Variants in ELP4 observed in about 807,000 individuals in gnomAD.
ELP4 encodes elongator complex protein 4.
ELP4 carries 51 observed loss-of-function variants against 48.9 expected under a neutral mutation model. The ratio of observed to expected loss-of-function variants is 1.04; its 90% CI spans 0.83 to 1.32. The LOEUF is 1.32. ELP4 is among the 40% of genes most tolerant of loss of function. ELP4 has a pLI of 0.00. For missense variants in ELP4, 519 were observed against 514.6 expected (o/e 1.01, Z -0.08); for synonymous variants, 210 against 189.2 (o/e 1.11, Z -0.90).
intron 8 of ELP4, chr11:31,648,179 T>A (rs1425203140): frequency 5.9e-6 from 1 of 170,132 alleles, no homozygotes; most frequent in Non-Finnish European, 1.3e-5. Flanking sequence ...TTAATTCTAA[T>A]AATGACAGTT....
intron 3 of ELP4, among the ~76,000 whole-genome samples, chr11:31,564,553 G>A (rs924617416): frequency 1.2e-4 from 18 of 151,696 alleles, no homozygotes; most frequent in African/African-American, 3.4e-4. Flanking sequence ...GACAAGCCCC[G>A]GTGTGTGATG....
intron 9 of ELP4, among the ~76,000 whole-genome samples, chr11:31,713,203 G>A (rs2134174351): frequency 6.6e-6 from 1 of 152,270 alleles, no homozygotes; most frequent in African/African-American, 2.4e-5. Flanking sequence ...TCCGTAAAAT[G>A]ATGGATCAAG....
chr11:31,637,398 T>C (rs1945003536), intron 7 of ELP4: 1 of 151,936 alleles, frequency 6.6e-6, no homozygotes, highest in Non-Finnish European at 1.5e-5. Flanking sequence ...AAGAAAAGGT[T>C]ACTTCTAAGA....
At chr11:31,681,492 T>G (rs1220421632) in intron 9 of ELP4, among the ~76,000 whole-genome samples, 1 of 152,130 alleles carries the variant, frequency 6.6e-6, no homozygotes, top group Non-Finnish European at 1.5e-5. Flanking sequence ...AGAGATTAGA[T>G]AGATGTGCAA....
At chr11:31,719,820 G>C (rs1946921789) in intron 9 of ELP4, 1 of 214,772 alleles carries the variant, frequency 4.7e-6, no homozygotes, top group Non-Finnish European at 9.1e-6. Flanking sequence ...AAATTAGAGA[G>C]ACTGGTGAAT....
chr11:31,560,684 A>ATTGGTTTATATATATATAAAACAACG (rs1957004969), intron 3 of ELP4, among the ~76,000 whole-genome samples: 1 of 108,802 alleles, frequency 9.2e-6, no homozygotes, highest in African/African-American at 3.4e-5. Context: ...TAAAGACCAC[A>ATTGGTTTATATATATATAAAACAACG]TTGTTTTATA....
At chr11:31,664,177 A>C (rs982471806) in intron 9 of ELP4, 2 of 152,168 alleles carry the variant, frequency 1.3e-5, no homozygotes, top group Non-Finnish European at 2.9e-5. Flanking sequence ...CTCCTTGAAC[A>C]GGAATTAAGA....
At chr11:31,549,033 C>T (rs994342963) in intron 3 of ELP4, among the ~76,000 whole-genome samples, 17 of 152,124 alleles carry the variant, frequency 1.1e-4, no homozygotes, top group African/African-American at 4.1e-4. Flanking sequence ...CATAAAAACC[C>T]TAGAAGAAAA....
intron 1 of ELP4, chr11:31,512,202 A>G (rs1401426818): frequency 6.6e-6 from 1 of 152,218 alleles, no homozygotes; most frequent in South Asian, 2.1e-4. Flanking sequence ...ATAGGATGTT[A>G]TGGTGTTAGA....
rs555235922 is a variant in ELP4 at position 31,702,611 on chromosome 11, C to A, written c.1143+52390C>A. On this transcript the variant is annotated intron_variant, in intron 9 of 9. Transcript: ENST00000640961. ...ATTTAAAATCTGATTCGTAGTTTTT[C>A]ATCTGTAGGTGTTTCTCCCTTATCA... Among the ~76,000 whole-genome samples, 13 of 152,162 alleles carry A rather than the reference C, an allele frequency of 8.5e-5. No homozygotes were observed. The South Asian group carries it at 2.5e-3, about 29-fold the overall frequency.
intron 3 of ELP4, among the ~76,000 whole-genome samples, chr11:31,568,536 A>G (rs1044678218): frequency 3.9e-5 from 6 of 152,236 alleles, no homozygotes; most frequent in Non-Finnish European, 8.8e-5. Context: ...CTATACTACA[A>G]GGCTACAGTA....
rs181292894 is a variant in ELP4 at position 31,751,999 on chromosome 11, A to G, written c.1144-31394A>G. On this transcript the variant is annotated intron_variant, in intron 9 of 9. Coordinates refer to ENST00000640961, the MANE Select transcript of ELP4 (RefSeq NM_019040.5). The stretch of plus-strand genomic sequence containing the variant: ...AAAAGCTGTGTAAGAAAACTGAGGG[A>G]AAAAAAGCTATTCAACTAATTTTAT... 5.9e-4 allele frequency among the ~76,000 whole-genome samples: 90 copies of G among 152,316 alleles called. 1 individual carries two copies. The highest frequency in any genetic ancestry group is 1.9e-3 in the African/African-American group (78 of 41,584).
chr11:31,650,771 A>G (rs1352262392), intron 9 of ELP4: 2 of 151,806 alleles, frequency 1.3e-5, no homozygotes, highest in Non-Finnish European at 2.9e-5. Flanking sequence ...TAGTAGGACA[A>G]AATATTTATT....
At chr11:31,736,869 G>A (rs1254305897) in intron 9 of ELP4, among the ~76,000 whole-genome samples, 1 of 152,162 alleles carries the variant, frequency 6.6e-6, no homozygotes, top group Admixed American at 6.5e-5. Context: ...ACTGTTGGTG[G>A]GACTGTAAAC....
intron 9 of ELP4, among the ~76,000 whole-genome samples, chr11:31,761,497 A>G (rs1167669613): frequency 6.6e-6 from 1 of 152,204 alleles, no homozygotes; most frequent in African/African-American, 2.4e-5. Context: ...AACCTGTTAC[A>G]TATATACCAG....
chr11:31,770,899 C>T (rs1022756206), intron 9 of ELP4, among the ~76,000 whole-genome samples: 2 of 151,096 alleles, frequency 1.3e-5, no homozygotes, highest in Non-Finnish European at 2.9e-5. Flanking sequence ...GAAGGAAGGA[C>T]CATTTTAAGC....
chr11:31,631,328 A>G (rs1178546731), intron 6 of ELP4, among the ~76,000 whole-genome samples: 1 of 152,144 alleles, frequency 6.6e-6, no homozygotes, highest in Non-Finnish European at 1.5e-5. Flanking sequence ...CATGCATTCC[A>G]AATTATGGCT....
chr11:31,666,241 T>C (rs984883944), intron 9 of ELP4, among the ~76,000 whole-genome samples: 1 of 151,902 alleles, frequency 6.6e-6, no homozygotes, highest in African/African-American at 2.4e-5. Context: ...ACTCCTGACC[T>C]CAGGTGATCC....
At chr11:31,595,276 C>G (rs1034124181) in intron 4 of ELP4, among the ~76,000 whole-genome samples, 1 of 152,084 alleles carries the variant, frequency 6.6e-6, no homozygotes, top group Non-Finnish European at 1.5e-5. Context: ...CATTTTCAAA[C>G]TCATCTATCT....
Sources: gnomAD v4.1 joint callset for allele counts (sites outside exome capture counted in the v4.1 genomes callset) on GRCh38, gnomAD v4.1.1 for gene constraint, MANE v1.5 for transcripts, NCBI Gene and HGNC (gene_info 2026-07-23, HGNC 2026-07-21) for gene names.